GRHL2: variants seen among roughly 807,000 people sequenced by gnomAD.
The protein encoded by GRHL2 is grainyhead-like protein 2 homolog.
GRHL2 carries 21 observed loss-of-function variants against 83.8 expected under a neutral mutation model. The observed-to-expected ratio is 0.25, with a 90% CI of 0.18 to 0.36. The LOEUF is 0.36. Ranked by LOEUF, GRHL2 falls within the 10% of genes least tolerant of loss-of-function variation. The pLI is 1.00. For synonymous variants in GRHL2, 280 were observed against 278.9 expected (o/e 1.00, Z -0.04); for missense variants, 623 against 781.8 (o/e 0.80, Z 2.42).
At chr8:101,614,420 C>A (rs1812813976) in intron 8 of GRHL2, among the ~76,000 whole-genome samples, 1 of 150,964 alleles carries the variant, frequency 6.6e-6, no homozygotes, top group Non-Finnish European at 1.5e-5. Context: ...GTGCTATTAG[C>A]ATTATAGGAA....
intron 6 of GRHL2, 152 bp downstream of exon 6, chr8:101,573,976 T>C (rs933094604): frequency 3.5e-5 from 30 of 851,630 alleles, no homozygotes; most frequent in African/African-American, 2.8e-4. Flanking sequence ...AGAGCACTTA[T>C]TGGCTCGTAG....
intron 1 of GRHL2, among the ~76,000 whole-genome samples, chr8:101,523,230 A>G (rs1810728044): frequency 6.6e-6 from 1 of 151,696 alleles, no homozygotes; most frequent in Non-Finnish European, 1.5e-5. Context: ...TTATTCTTAC[A>G]AGGAATGAAA....
intron 1 of GRHL2, among the ~76,000 whole-genome samples, chr8:101,512,718 T>C (rs1406796769): frequency 1.3e-5 from 2 of 152,214 alleles, no homozygotes; most frequent in Non-Finnish European, 2.9e-5. Flanking sequence ...CTTTCTCTTT[T>C]ATTACGCTGG....
chr8:101,550,784 G>C (rs187846061), intron 2 of GRHL2, among the ~76,000 whole-genome samples: 1 of 152,128 alleles, frequency 6.6e-6, no homozygotes, highest in African/African-American at 2.4e-5. Flanking sequence ...CCTACCTGCT[G>C]CTCCTCTCTG....
At chr8:101,546,388 A>G (rs1692244026) in intron 2 of GRHL2, among the ~76,000 whole-genome samples, 1 of 150,946 alleles carries the variant, frequency 6.6e-6, no homozygotes, top group African/African-American at 2.4e-5. Flanking sequence ...AGAGAAGCAT[A>G]TCCTGAAACA....
chr8:101,604,017 T>G (rs2387827), intron 8 of GRHL2, among the ~76,000 whole-genome samples: 6 of 43,236 alleles, frequency 1.4e-4, no homozygotes, highest in Non-Finnish European at 3.9e-5. Flanking sequence ...GTTTTTTTTT[T>G]GCAAAAAAAA....
chr8:101,546,022 C>T (rs59116989), intron 2 of GRHL2, among the ~76,000 whole-genome samples: 3,102 of 151,506 alleles, frequency 0.02, 102 homozygotes, highest in African/African-American at 0.071. Context: ...GCTGGGATTA[C>T]AGGCACACTC....
At chr8:101,618,380 T>C (rs764416599) in intron 8 of GRHL2, among the ~76,000 whole-genome samples, 5 of 152,210 alleles carry the variant, frequency 3.3e-5, no homozygotes, top group Non-Finnish European at 7.3e-5. Flanking sequence ...CTCTTATATC[T>C]CTTGATGCGC....
chr8:101,512,425 TTA>T (rs774118884), intron 1 of GRHL2, among the ~76,000 whole-genome samples: 9 of 152,202 alleles, frequency 5.9e-5, no homozygotes, highest in Admixed American at 1.3e-4. Flanking sequence ...CAAAAATATG[TTA>T]TCTTTTTGGT....
rs1056217988 is a variant in GRHL2, at chr8:101,558,929, A to G, written c.678+117A>G. On this transcript the variant is annotated intron_variant, in intron 4 of 15. Transcript: ENST00000646743. ...TAAACAGCAAGTTTTAGCTTCAATTAGTTTTTTAAAAGATGTGTTTGTTGG... is the reference window on the plus strand; with the variant it reads ...TAAACAGCAAGTTTTAGCTTCAATTGGTTTTTTAAAAGATGTGTTTGTTGG... 6.1e-6 allele frequency: 7 copies of G among 1,146,482 alleles called. No individual in the cohort carries two copies. In the African/African-American group the frequency reaches 6.2e-5, roughly 10 times the overall value. The allele number at this position is 1,146,482 out of a possible 1,614,324, so 71.0% of individuals were successfully genotyped here.
At chr8:101,515,809 C>T (rs899574369) in intron 1 of GRHL2, among the ~76,000 whole-genome samples, 12 of 152,090 alleles carry the variant, frequency 7.9e-5, no homozygotes, top group African/African-American at 2.7e-4. Flanking sequence ...CTGTAGTCTA[C>T]CAAAGACAGC....
chr8:101,547,230 G>A (rs1811285282), intron 2 of GRHL2, among the ~76,000 whole-genome samples: 2 of 5,432 alleles, frequency 3.7e-4, no homozygotes. Flanking sequence ...AAACACAGCA[G>A]TCTGTTTTTT....
intron 9 of GRHL2, among the ~76,000 whole-genome samples, chr8:101,626,456 A>G (rs1202679436): frequency 1.3e-5 from 2 of 152,082 alleles, no homozygotes; most frequent in Admixed American, 1.3e-4. Flanking sequence ...TGCTAACATT[A>G]AATTCTTTCA....
At chr8:101,622,776 G>A (rs1483897949) in intron 9 of GRHL2, among the ~76,000 whole-genome samples, 1 of 152,118 alleles carries the variant, frequency 6.6e-6, no homozygotes, top group African/African-American at 2.4e-5. Flanking sequence ...AGATTTTGGT[G>A]TGCCCATCAC....
intron 5 of GRHL2, among the ~76,000 whole-genome samples, chr8:101,571,921 C>T (rs1426649974): frequency 6.6e-6 from 1 of 152,186 alleles, no homozygotes; most frequent in African/African-American, 2.4e-5. Context: ...GTGGGAAGAG[C>T]AAGGACCTAC....
rs116306259 is a variant in GRHL2 at position 101,595,545 on chromosome 8, C to T, written c.1004-3512C>T. On this transcript the variant is annotated intron_variant, in intron 7 of 15. Transcript: ENST00000646743. ...ATAATTAGCTATAAAGAATCAAGGACTTCAGTTGATCTAAATTCAACAGTC... is the reference window on the plus strand; with the variant it reads ...ATAATTAGCTATAAAGAATCAAGGATTTCAGTTGATCTAAATTCAACAGTC... Among the ~76,000 whole-genome samples the T allele has an allele frequency of 4.3e-3, 648 of 152,270 alleles. 7 individuals are homozygous for T. Among genetic ancestry groups the T allele is most frequent in the African/African-American group, 0.014 (582 of 41,542 alleles).
At chr8:101,654,267 A>G (rs1325436330) in intron 14 of GRHL2, among the ~76,000 whole-genome samples, 2 of 152,166 alleles carry the variant, frequency 1.3e-5, no homozygotes, top group Non-Finnish European at 2.9e-5. Context: ...CAATATTCAC[A>G]TTGTTTTGCT....
intron 14 of GRHL2, among the ~76,000 whole-genome samples, chr8:101,656,720 GATA>G (rs766842679): frequency 6.6e-6 from 1 of 152,204 alleles, no homozygotes; most frequent in African/African-American, 2.4e-5. Flanking sequence ...ATATTATGAG[GATA>G]ATAAAATGGG....
chr8:101,585,236 A>G (rs1812140187), intron 7 of GRHL2, among the ~76,000 whole-genome samples: 1 of 152,292 alleles, frequency 6.6e-6, no homozygotes, highest in East Asian at 1.9e-4. Context: ...CTTTTCCCCA[A>G]ATTATACAGA....
Sources: allele counts gnomAD v4.1 joint callset (sites outside exome capture counted in the v4.1 genomes callset), GRCh38; gene constraint gnomAD v4.1.1; transcripts MANE v1.5; gene names NCBI Gene and HGNC (gene_info 2026-07-23, HGNC 2026-07-21).